The following MALRD1 variants were observed in gnomAD, a reference collection of about 807,000 sequenced individuals.
MALRD1 encodes the protein MAM and LDL receptor class A domain containing 1, also known as MAM and LDL-receptor class A domain-containing protein 1.
Under a neutral mutation model 242.1 loss-of-function variants are expected in MALRD1, and 247 were observed. The ratio of observed to expected loss-of-function variants is 1.02; its 90% CI spans 0.92 to 1.13. MALRD1 has a LOEUF of 1.13. Among genes scored for constraint, MALRD1 ranks in the 50% most tolerant of loss-of-function variants. MALRD1 has a pLI of 0.00. For missense variants in MALRD1, 2,989 were observed against 2,533.1 expected, an observed-to-expected ratio of 1.18 and a Z score of -3.86; for synonymous variants, 995 against 866.6, an observed-to-expected ratio of 1.15 and a Z score of -2.60.
chr10:19,629,580 G>A (rs1049500769), intron 36 of MALRD1, among the ~76,000 whole-genome samples: 1 of 152,146 alleles, frequency 6.6e-6, no homozygotes, highest in South Asian at 2.1e-4. Flanking sequence ...TATGTGCACG[G>A]CCAAGCTTCA....
intron 5 of MALRD1, among the ~76,000 whole-genome samples, chr10:19,113,815 A>ACACACACACAC (rs1554791202): frequency 2.0e-5 from 3 of 146,984 alleles, no homozygotes; most frequent in African/African-American, 7.6e-5. Context: ...ACACACACAC[A>ACACACACACAC]CACACACACA....
intron 4 of MALRD1, among the ~76,000 whole-genome samples, chr10:19,094,772 C>T (rs1835960999): frequency 6.6e-6 from 1 of 152,220 alleles, no homozygotes. Flanking sequence ...CATAGATAAA[C>T]TTAACACAGT....
intron 14 of MALRD1, among the ~76,000 whole-genome samples, chr10:19,193,817 A>T (rs991527518): frequency 8.4e-6 from 1 of 119,438 alleles, no homozygotes; most frequent in African/African-American, 3.1e-5. Flanking sequence ...ATTTGAGATC[A>T]TTAGCTTAGT....
At chr10:19,138,845 G>C (rs908960922) in intron 10 of MALRD1, among the ~76,000 whole-genome samples, 1 of 152,022 alleles carries the variant, frequency 6.6e-6, no homozygotes, top group Non-Finnish European at 1.5e-5. Context: ...ATTTATTGAA[G>C]TTTCATTGAT....
intron 21 of MALRD1, among the ~76,000 whole-genome samples, chr10:19,312,471 CAGAGGTATA>C (rs1842475421): frequency 6.7e-6 from 1 of 149,568 alleles, no homozygotes; most frequent in African/African-American, 2.5e-5. Flanking sequence ...TATAATGGCA[CAGAGGTATA>C]AGGGATTAAA....
At chr10:19,415,157 G>C (rs544312531) in intron 28 of MALRD1, among the ~76,000 whole-genome samples, 2 of 152,064 alleles carry the variant, frequency 1.3e-5, no homozygotes, top group Admixed American at 6.6e-5. Flanking sequence ...TCAATACATA[G>C]GACAGACAAA....
intron 29 of MALRD1, among the ~76,000 whole-genome samples, chr10:19,460,359 C>T (rs1835879778): frequency 6.6e-6 from 1 of 151,856 alleles, no homozygotes; most frequent in Admixed American, 6.6e-5. Flanking sequence ...GATATTTATA[C>T]ATGCACAAAT....
chr10:19,674,813 A>G (rs929101106), intron 36 of MALRD1, among the ~76,000 whole-genome samples: 20 of 151,820 alleles, frequency 1.3e-4, no homozygotes, highest in African/African-American at 4.6e-4. Context: ...GCCATTTTCA[A>G]TTGCCCAGTT....
At chr10:19,106,519 C>G (rs1041229131) in intron 5 of MALRD1, among the ~76,000 whole-genome samples, 10 of 151,714 alleles carry the variant, frequency 6.6e-5, no homozygotes, top group African/African-American at 2.4e-4. Context: ...TTTGAATCTT[C>G]TATCTTTTTT....
At position 19,121,327 on chromosome 10, in the gene MALRD1, A is replaced by G. The variant is rs111937326; in HGVS notation, c.695-2165A>G. Among the ~76,000 whole-genome samples the G allele has an allele frequency of 5.2e-3, 794 of 152,296 alleles. 2 individuals carry two copies. The highest frequency in any genetic ancestry group is 0.018 in the African/African-American group (763 of 41,562). ...AGTGCTGGGATTACAGTTGTGAGCC[A>G]CTGTGCCCAGCCTACTTGTACACTT... On this transcript the variant is annotated intron_variant, in intron 5 of 39. Coordinates refer to ENST00000454679, the MANE Select transcript of MALRD1 (RefSeq NM_001142308.3).
chr10:19,276,760 G>A (rs1346025747), intron 19 of MALRD1, among the ~76,000 whole-genome samples: 2 of 152,056 alleles, frequency 1.3e-5, no homozygotes, highest in Non-Finnish European at 2.9e-5. Context: ...TTTGTTCAAT[G>A]AGTTAGACGT....
chr10:19,386,180 A>C (rs1407961890), intron 26 of MALRD1, among the ~76,000 whole-genome samples: 1 of 152,096 alleles, frequency 6.6e-6, no homozygotes, highest in African/African-American at 2.4e-5. Flanking sequence ...CTAAAATGTG[A>C]GACTTATCCA....
chr10:19,254,510 A>C (rs1839422508), intron 18 of MALRD1, among the ~76,000 whole-genome samples: 1 of 151,986 alleles, frequency 6.6e-6, no homozygotes, highest in Non-Finnish European at 1.5e-5. Flanking sequence ...GTGTATGTTT[A>C]ATTTTATAAG....
At chr10:19,238,491 A>AATGTATAATATACATT (rs1564492689) in intron 18 of MALRD1, among the ~76,000 whole-genome samples, 1 of 8,030 alleles carries the variant, frequency 1.2e-4, no homozygotes, top group African/African-American at 4.5e-4. Flanking sequence ...CATTATATAT[A>AATGTATAATATACATT]ATATATAATA....
intron 5 of MALRD1, among the ~76,000 whole-genome samples, chr10:19,116,151 G>C (rs889670794): frequency 1.3e-5 from 2 of 152,020 alleles, no homozygotes; most frequent in African/African-American, 4.8e-5. Flanking sequence ...ATCAAGCCTT[G>C]CTATTGTGAT....
intron 1 of MALRD1, among the ~76,000 whole-genome samples, chr10:19,056,122 A>G (rs1485301380): frequency 6.6e-6 from 1 of 152,176 alleles, no homozygotes; most frequent in Non-Finnish European, 1.5e-5. Context: ...GAAACCAGAT[A>G]GTGTAATGCC....
chr10:19,074,096 A>G (rs1270683960), intron 2 of MALRD1, among the ~76,000 whole-genome samples: 1 of 152,120 alleles, frequency 6.6e-6, no homozygotes, highest in Non-Finnish European at 1.5e-5. Context: ...ATAGGCTAAC[A>G]GTGTATGTTG....
intron 4 of MALRD1, among the ~76,000 whole-genome samples, chr10:19,094,122 A>C (rs1400494781): frequency 9.0e-6 from 1 of 110,638 alleles, no homozygotes; most frequent in Admixed American, 9.7e-5. Flanking sequence ...GGCTCCACCC[A>C]GTTGGAGCTT....
At position 19,049,057 on chromosome 10, in the gene MALRD1, G is replaced by A. The variant is rs943140657; in HGVS notation, c.119G>A (p.Cys40Tyr). The A allele has an allele frequency of 1.4e-4, 174 of 1,233,796 alleles. No individual in the cohort carries two copies. The highest frequency in any genetic ancestry group is 1.7e-4 in the Non-Finnish European group (164 of 988,140). The allele number at this position is 1,233,796 out of a possible 1,614,324, so 76.4% of individuals were successfully genotyped here. A position where few individuals can be genotyped will look rare whatever the true frequency, so the allele number is the denominator to read the frequency against. The change falls in exon 1 of 40, where the codon TGT becomes TAT. Residue 40 changes from cysteine to tyrosine, a missense_variant. Cys to Tyr is a radical substitution (Grantham distance 194). Transcript: ENST00000454679. ...LAQQGTESFQCDNGVSLPPDS... is the reference protein window; with the variant it reads ...LAQQGTESFQYDNGVSLPPDS... Reference sequence around the variant, plus strand: ...CAGCAAGGGACAGAAAGCTTTCAGTGTGACAATGGAGTCTCCTTGCCTCCT... The same window carrying A: ...CAGCAAGGGACAGAAAGCTTTCAGTATGACAATGGAGTCTCCTTGCCTCCT...
Sources: allele counts gnomAD v4.1 joint callset (sites outside exome capture counted in the v4.1 genomes callset), GRCh38; gene constraint gnomAD v4.1.1; transcripts MANE v1.5; gene names NCBI Gene and HGNC (gene_info 2026-07-23, HGNC 2026-07-21).